TBC1D10C: variants seen among roughly 807,000 people sequenced by gnomAD.
TBC1D10C encodes the protein carabin.
TBC1D10C carries 49 observed loss-of-function variants against 51.0 expected under a neutral mutation model. The observed-to-expected ratio is 0.96, with a 90% CI of 0.76 to 1.22. The LOEUF is 1.22. Among genes scored for constraint, TBC1D10C ranks in the 50% most tolerant of loss-of-function variants. The pLI is 0.00. For synonymous variants in TBC1D10C, 281 were observed against 266.7 expected (o/e 1.05, Z -0.52); for missense variants, 541 against 617.5 (o/e 0.88, Z 1.31).
At chr11:67,406,291 C>T in intron 5 of TBC1D10C, 1 of 512,478 alleles carries the variant, frequency 2.0e-6, no homozygotes, top group South Asian at 3.2e-5. Context: ...AACTTGGGGA[C>T]TGCGACCCCA....
At position 67,409,678 on chromosome 11, in the gene TBC1D10C, G is replaced by A. The variant is rs751910113; in HGVS notation, c.1265G>A (p.Arg422Gln). ...AAGACTTTCCATGGGCTCCTGACTC[G>A]GGCCCGGGGCCCCCCCATCGAGGGG... is the stretch of plus-strand genomic sequence containing the variant. ...RGKTFHGLLTRARGPPIEGPP... is the reference protein window; with the variant it reads ...RGKTFHGLLTQARGPPIEGPP... The change falls in exon 9 of 9, where the codon CGG becomes CAG. Residue 422 changes from arginine (R) to glutamine (Q), a missense_variant. Coordinates refer to ENST00000542590, the MANE Select transcript of TBC1D10C (RefSeq NM_001369496.1). The A allele has an allele frequency of 2.4e-5, 39 of 1,598,806 alleles. No individual in the cohort carries two copies. Among genetic ancestry groups the A allele is most frequent in the African/African-American group, 4.0e-5 (3 of 74,512 alleles).
In TBC1D10C at chr11:67,404,356, T is replaced by TA. The variant is rs1179827903; in HGVS notation, c.152+4dup. ...TGGGGGCAGCTCAGCAGAGCCAGGGTAAGGGGGCAGGGTGAGGGCTGGCGG... is the reference window on the plus strand; with the variant it reads ...TGGGGGCAGCTCAGCAGAGCCAGGGTAAAGGGGGCAGGGTGAGGGCTGGCGG... On this transcript the variant is annotated splice_region_variant and intron_variant, in intron 1 of 8. Transcript: ENST00000542590. 6.4e-7 allele frequency: 1 copy of TA among 1,561,658 alleles called. No homozygotes were observed. Among genetic ancestry groups the TA allele is most frequent in the Admixed American group, 1.8e-5 (1 of 55,142 alleles).
Position 67,405,473 on chromosome 11 carries a change from T to C in TBC1D10C, c.327T>C (p.His109=). The C allele has an allele frequency of 6.2e-7, 1 of 1,613,206 alleles. No homozygotes were observed. Among genetic ancestry groups the C allele is most frequent in the Non-Finnish European group, 8.5e-7 (1 of 1,179,858 alleles). ...GCTGGCCCCTGTTGTGTGGGGCCCA[T>C]GTGTGCCAGAAGAACAGCCCTGGCA... ...ARCWPLLCGA[H]VCQKNSPGTY... The change falls in exon 3 of 9, where the codon CAT becomes CAC. Residue 109 remains histidine, a synonymous_variant. Transcript: ENST00000542590.
In TBC1D10C at chr11:67,405,380, C is replaced by T; in HGVS notation, c.253-19C>T. The T allele has an allele frequency of 6.2e-7, 1 of 1,610,642 alleles. No individual in the cohort carries two copies. The highest frequency in any genetic ancestry group is 1.1e-5 in the South Asian group (1 of 90,610). ...GAGCTATGGAGGCTGCCTAGTGGAGCCCTTGGCCTCACCCACAGGTAAAGA... is the reference window on the plus strand; with the variant it reads ...GAGCTATGGAGGCTGCCTAGTGGAGTCCTTGGCCTCACCCACAGGTAAAGA... On this transcript the variant is annotated intron_variant, in intron 2 of 8. Coordinates refer to ENST00000542590, the MANE Select transcript of TBC1D10C (RefSeq NM_001369496.1).
intron 2 of TBC1D10C, 85 bp downstream of exon 2, chr11:67,405,269 G>A (rs1017354506): frequency 6.7e-7 from 1 of 1,503,596 alleles, no homozygotes; most frequent in African/African-American, 1.4e-5. Context: ...TACCCACCCT[G>A]TGTCCCAGCA....
Position 67,409,140 on chromosome 11 carries a change from AC to A in TBC1D10C, c.993+12del. On this transcript the variant is annotated splice_region_variant and intron_variant, in intron 8 of 8. Transcript: ENST00000542590. ...GGAGGCCTTCATGTCACAGGTGGGTACCCCCACCTCTCCTTGGACTTGCCCA... is the reference window on the plus strand; with the variant it reads ...GGAGGCCTTCATGTCACAGGTGGGTACCCCACCTCTCCTTGGACTTGCCCA... 2.5e-6 allele frequency: 4 copies of A among 1,580,602 alleles called. No homozygotes were observed. Among genetic ancestry groups the A allele is most frequent in the Admixed American group, 1.9e-5 (1 of 53,766 alleles).
chr11:67,405,723 G>A lies in TBC1D10C; in HGVS notation c.467+22G>A, dbSNP rs1467100695. 4.3e-6 allele frequency: 7 copies of A among 1,612,278 alleles called. No homozygotes were observed. In the Admixed American group the frequency reaches 5.0e-5, roughly 12 times the overall value. On this transcript the variant is annotated intron_variant, in intron 4 of 8. Coordinates refer to ENST00000542590, the MANE Select transcript of TBC1D10C (RefSeq NM_001369496.1). ...ACGGGTACGAGGCCGGTGATGCCCAGGGACCCCCAGCCCCACAAGCCCCAG... is the reference window on the plus strand; with the variant it reads ...ACGGGTACGAGGCCGGTGATGCCCAAGGACCCCCAGCCCCACAAGCCCCAG...
intron 8 of TBC1D10C, 78 bp from the exon 9 acceptor site, chr11:67,409,329 C>A: frequency 1.4e-6 from 2 of 1,468,344 alleles, no homozygotes; most frequent in Non-Finnish European, 1.8e-6. Flanking sequence ...TCCTCAGCCA[C>A]TTCCTGGGCT....
rs751665522 is a variant in TBC1D10C, at chr11:67,404,242, G to A, written c.40G>A (p.Glu14Lys). The A allele has an allele frequency of 6.3e-6, 10 of 1,587,150 alleles. No homozygotes were observed. Among genetic ancestry groups the A allele is most frequent in the South Asian group, 3.3e-5 (3 of 90,054 alleles). The change falls in exon 1 of 9, where the codon GAG becomes AAG. Residue 14 changes from glutamate (E) to lysine (K), a missense_variant. Physicochemically the swap from Glu to Lys is moderately conservative, Grantham distance 56. Transcript: ENST00000542590. ...ALGEDLVQPP[E>K]LQDDSSSLGS... The stretch of plus-strand genomic sequence containing the variant: ...GGGGGAGGACCTGGTGCAGCCTCCC[G>A]AGCTGCAGGATGACTCCAGCTCCTT...
rs1003763599 is a variant in TBC1D10C at position 67,409,416 on chromosome 11, G to C, written c.1003G>C (p.Val335Leu). 2.3e-5 allele frequency: 35 copies of C among 1,548,682 alleles called. No homozygotes were observed. Among genetic ancestry groups the C allele is most frequent in the Non-Finnish European group, 2.9e-5 (33 of 1,146,554 alleles). Residue 335 changes from valine (V) to leucine (L), a missense_variant, in exon 9 of 9, where the codon GTG becomes CTG. Transcript: ENST00000542590. ...CAACTGCTCCCCACAGGTGCACAGC[G>C]TGGTGCTGTCAGAGCGGGACCTGCA... Reference protein sequence around the residue: ...EEAFMSQVHSVVLSERDLQRE... With the variant: ...EEAFMSQVHSLVLSERDLQRE...
Position 67,408,970 on chromosome 11 carries a change from G to A in TBC1D10C, c.839-9G>A, listed in dbSNP as rs781322580. 6.5e-6 allele frequency: 10 copies of A among 1,539,302 alleles called. No homozygotes were observed. Among genetic ancestry groups the A allele is most frequent in the East Asian group, 5.0e-5 (2 of 40,222 alleles). On this transcript the variant is annotated splice_polypyrimidine_tract_variant and intron_variant, in intron 7 of 8. Transcript: ENST00000542590. ...CCGGCCTCCCAGTGAATAAGCCCCCGGCCTGCAGGTGCCAGAGTACTGTTC... is the reference window on the plus strand; with the variant it reads ...CCGGCCTCCCAGTGAATAAGCCCCCAGCCTGCAGGTGCCAGAGTACTGTTC...
intron 1 of TBC1D10C, 29 bp from the exon 2 acceptor site, chr11:67,405,056 G>A (rs569805886): frequency 6.5e-5 from 100 of 1,541,210 alleles, no homozygotes; most frequent in Middle Eastern, 3.8e-4. Context: ...GCTGCCCAGC[G>A]TCTGGATACC....
At chr11:67,404,076 G>T (rs1450639708), upstream of TBC1D10C, 10 of 1,204,816 alleles carry the variant, frequency 8.3e-6, no homozygotes, top group Middle Eastern at 2.9e-4. Context: ...GACATAGGGG[G>T]CTTGGTGAGA....
intron 1 of TBC1D10C, 170 bp from the exon 2 acceptor site, chr11:67,404,915 C>T: frequency 3.3e-6 from 2 of 612,040 alleles, no homozygotes; most frequent in African/African-American, 1.8e-5. Flanking sequence ...CACATCCTTT[C>T]CTGTCCCCGT....
intron 8 of TBC1D10C, 103 bp from the exon 9 acceptor site, chr11:67,409,304 C>T: frequency 1.4e-6 from 2 of 1,400,556 alleles, no homozygotes; most frequent in Non-Finnish European, 9.6e-7. Context: ...CCCAGTGAGG[C>T]TGTCAGCCCC....
In TBC1D10C at chr11:67,409,022, G is replaced by A; in HGVS notation, c.882G>A (p.Leu294=). The A allele has an allele frequency of 2.5e-6, 4 of 1,577,154 alleles. No homozygotes were observed. The highest frequency in any genetic ancestry group is 3.4e-6 in the Non-Finnish European group (4 of 1,163,204). The part of the protein sequence containing the change: ...LFRVGLTLVR[L]ALGTAEQRGA... ...GTGTGGGGCTGACACTGGTGCGCCT[G>A]GCGCTGGGCACTGCAGAGCAGCGAG... The change falls in exon 8 of 9, where the codon CTG becomes CTA. Residue 294 remains leucine (L), a synonymous_variant. Coordinates refer to ENST00000542590, the MANE Select transcript of TBC1D10C (RefSeq NM_001369496.1).
rs1160538256 is a variant in TBC1D10C, at chr11:67,406,641, C to T, written c.597C>T (p.Cys199=). The T allele has an allele frequency of 1.3e-6, 2 of 1,573,402 alleles. No homozygotes were observed. The highest frequency in any genetic ancestry group is 1.7e-6 in the Non-Finnish European group (2 of 1,158,716). The change falls in exon 6 of 9, where the codon TGC becomes TGT. Residue 199 remains cysteine (C), a synonymous_variant. Transcript: ENST00000542590. ...CCCTTCCCCAGGAGGCCTTCTGGTG[C>T]CTGGTGCAGATCTGTGAGGTCTACC... ...MHLPPEEAFW[C]LVQICEVYLP...
At position 67,409,765 on chromosome 11, in the gene TBC1D10C, G is replaced by C. The variant is rs1863376213; in HGVS notation, c.*11G>C. ...GACACCCGCTTCTGAGAGGACCATG[G>C]ACTTAGTGTCCCCCAGTCTCAATTG... On this transcript the variant is annotated 3_prime_UTR_variant, in exon 9 of 9. Coordinates refer to ENST00000542590, the MANE Select transcript of TBC1D10C (RefSeq NM_001369496.1). 6.4e-7 allele frequency: 1 copy of C among 1,566,912 alleles called. No individual in the cohort carries two copies. The highest frequency in any genetic ancestry group is 1.4e-5 in the African/African-American group (1 of 72,814).
At chr11:67,405,823 T>C (rs1863136850) in intron 4 of TBC1D10C, 80 bp from the exon 5 acceptor site, 3 of 1,536,536 alleles carry the variant, frequency 2.0e-6, no homozygotes, top group Middle Eastern at 1.9e-4. Context: ...CCAGGGAGGC[T>C]GAGGCCTGGG....
Sources: gnomAD v4.1 joint callset for allele counts on GRCh38, gnomAD v4.1.1 for gene constraint, MANE v1.5 for transcripts, NCBI Gene and HGNC (gene_info 2026-07-23, HGNC 2026-07-21) for gene names.